Variants in ASB4 observed in about 807,000 individuals in gnomAD.
The protein encoded by ASB4 is ankyrin repeat and SOCS box containing 4.
In ASB4, 35 loss-of-function variants were observed where a neutral mutation model predicts 38.6. The observed-to-expected ratio is 0.91, with a 90% CI of 0.69 to 1.20. The LOEUF (loss-of-function observed/expected upper bound fraction) is 1.20. Among genes scored for constraint, ASB4 ranks in the 50% most tolerant of loss-of-function variants. ASB4 has a pLI of 0.00. For missense variants in ASB4, 557 were observed against 527.2 expected (o/e 1.06, Z -0.55); for synonymous variants, 195 against 201.3 (o/e 0.97, Z 0.26).
At chr7:95,543,885 A>T (rs924661706), downstream of ASB4, 1 of 152,196 alleles carries the variant, frequency 6.6e-6, no homozygotes, top group African/African-American at 2.4e-5. Context: ...TAATTTTTAT[A>T]GCAGTAACAA....
chr7:95,495,659 G>C, intron 1 of ASB4, 99 bp from the exon 2 acceptor site: 1 of 1,253,384 alleles, frequency 8.0e-7, no homozygotes, highest in South Asian at 1.5e-5. Flanking sequence ...TTTTATAAAT[G>C]TGGCCAAAAT....
the ASB4 span, among the ~76,000 whole-genome samples, chr7:95,547,099 A>G: frequency 1.3e-5 from 2 of 152,224 alleles, no homozygotes; most frequent in African/African-American, 4.8e-5. Flanking sequence ...TAACCTCCTT[A>G]AAAGAAGGAA....
chr7:95,535,319 T>A (rs902111075), intron 3 of ASB4, among the ~76,000 whole-genome samples: 1 of 152,210 alleles, frequency 6.6e-6, no homozygotes, highest in Admixed American at 6.5e-5. Flanking sequence ...GGAAGAAATG[T>A]CTTTGGAGAA....
In ASB4 at chr7:95,537,848, TG is replaced by T. The variant is rs1306245436; in HGVS notation, c.*90del. ...TGCCTAAATAAAATGGTACTTGGGT[TG>T]ATTATAACACTTCAGGGATTTCAAA... On this transcript the variant is annotated 3_prime_UTR_variant, in exon 5 of 5. Coordinates refer to ENST00000325885, the MANE Select transcript of ASB4 (RefSeq NM_016116.3). The T allele has an allele frequency of 7.4e-6, 8 of 1,076,936 alleles. No individual in the cohort carries two copies. In the Admixed American group the frequency reaches 8.9e-5, roughly 12 times the overall value. 66.7% of individuals were successfully genotyped at this position (1,076,936 alleles called of 1,614,324 possible). A position where few individuals can be genotyped will look rare whatever the true frequency, so the allele number is the denominator to read the frequency against.
At position 95,517,668 on chromosome 7, in the gene ASB4, C is replaced by G. The variant is rs938602264; in HGVS notation, c.488-10145C>G. On this transcript the variant is annotated intron_variant, in intron 2 of 4. Coordinates refer to ENST00000325885, the MANE Select transcript of ASB4 (RefSeq NM_016116.3). ...TAGATATAGTAGAGAGGTGTGGTAA[C>G]TGGAAGGTTGAAAAATGTAGATAAT... Among the ~76,000 whole-genome samples the G allele has an allele frequency of 2.0e-5, 3 of 151,402 alleles. No homozygotes were observed. In the East Asian group the frequency reaches 5.8e-4, roughly 29 times the overall value.
chr7:95,474,235 G>A (rs1371566697), upstream of ASB4, among the ~76,000 whole-genome samples: 2 of 152,102 alleles, frequency 1.3e-5, no homozygotes, highest in East Asian at 3.9e-4. Flanking sequence ...TTTAATAATT[G>A]TCTCTGCCAT....
In ASB4 at chr7:95,498,607, T is replaced by C. The variant is rs183752611; in HGVS notation, c.487+2550T>C. Reference sequence around the variant, plus strand: ...TTCCGAATACTAGTCATTTATCAGATACATAGTTTGCACGTATTTCTCTTC... The same window carrying C: ...TTCCGAATACTAGTCATTTATCAGACACATAGTTTGCACGTATTTCTCTTC... On this transcript the variant is annotated intron_variant, in intron 2 of 4. Coordinates refer to ENST00000325885, the MANE Select transcript of ASB4 (RefSeq NM_016116.3). Among the ~76,000 whole-genome samples the C allele has an allele frequency of 1.5e-3, 231 of 152,332 alleles. 2 individuals are homozygous for C. Among genetic ancestry groups the C allele is most frequent in the African/African-American group, 5.1e-3 (212 of 41,582 alleles).
At chr7:95,504,172 C>A (rs1236993857) in intron 2 of ASB4, among the ~76,000 whole-genome samples, 1 of 152,160 alleles carries the variant, frequency 6.6e-6, no homozygotes, top group East Asian at 1.9e-4. Flanking sequence ...AAAATGAAAG[C>A]TGCCCGCTTT....
downstream of ASB4, chr7:95,544,362 A>G (rs1021680861): frequency 6.6e-6 from 1 of 152,218 alleles, no homozygotes; most frequent in African/African-American, 2.4e-5. Context: ...ATACTGCTGA[A>G]GTCAGATGGA....
chr7:95,513,497 A>G (rs1010875415), intron 2 of ASB4, among the ~76,000 whole-genome samples: 2 of 152,006 alleles, frequency 1.3e-5, no homozygotes, highest in African/African-American at 2.4e-5. Context: ...TCTTCGTTCT[A>G]TGAAGACTTT....
chr7:95,513,436 G>A (rs547823385), intron 2 of ASB4, among the ~76,000 whole-genome samples: 2 of 151,636 alleles, frequency 1.3e-5, no homozygotes, highest in East Asian at 1.9e-4. Context: ...GGAGACCTAG[G>A]GAATAGATAC....
intron 2 of ASB4, among the ~76,000 whole-genome samples, chr7:95,496,585 G>T (rs867322124): frequency 9.9e-5 from 15 of 152,252 alleles, no homozygotes; most frequent in South Asian, 4.2e-4. Context: ...TGTGGCTCAT[G>T]CTTGTGGTAC....
At chr7:95,474,158 C>T (rs1276215044), upstream of ASB4, among the ~76,000 whole-genome samples, 1 of 152,210 alleles carries the variant, frequency 6.6e-6, no homozygotes, top group Non-Finnish European at 1.5e-5. Context: ...AAAGACTTTT[C>T]TGACTTCAAA....
At chr7:95,516,517 C>T (rs1790585435) in intron 2 of ASB4, among the ~76,000 whole-genome samples, 1 of 152,032 alleles carries the variant, frequency 6.6e-6, no homozygotes, top group African/African-American at 2.4e-5. Flanking sequence ...AAATGTGTCT[C>T]CCAAAGGATG....
At chr7:95,514,736 T>C (rs1790531168) in intron 2 of ASB4, among the ~76,000 whole-genome samples, 1 of 152,164 alleles carries the variant, frequency 6.6e-6, no homozygotes, top group Non-Finnish European at 1.5e-5. Context: ...TGGCCCAGCA[T>C]AGAGGGAGCC....
intron 2 of ASB4, 165 bp downstream of exon 2, chr7:95,496,222 A>G (rs1790246494): frequency 1.8e-6 from 1 of 569,534 alleles, no homozygotes; most frequent in African/African-American, 1.9e-5. Context: ...CAGGTAATTC[A>G]ATGATGATCA....
intron 2 of ASB4, among the ~76,000 whole-genome samples, chr7:95,526,217 T>A (rs1384624148): frequency 1.3e-5 from 2 of 151,936 alleles, no homozygotes; most frequent in African/African-American, 4.8e-5. Flanking sequence ...GAGGAAGGGG[T>A]CCCCAGTGGG....
At chr7:95,493,609 A>C (rs1790205288) in intron 1 of ASB4, among the ~76,000 whole-genome samples, 1 of 152,102 alleles carries the variant, frequency 6.6e-6, no homozygotes, top group Non-Finnish European at 1.5e-5. Flanking sequence ...ACAGGATACT[A>C]AATTTAGAAG....
At chr7:95,471,345 A>G in the ASB4 span, among the ~76,000 whole-genome samples, 1 of 152,154 alleles carries the variant, frequency 6.6e-6, no homozygotes, top group Non-Finnish European at 1.5e-5. Context: ...TTGCAAAACA[A>G]TGTGAATTCT....
Sources: allele counts gnomAD v4.1 joint callset (sites outside exome capture counted in the v4.1 genomes callset), GRCh38; gene constraint gnomAD v4.1.1; transcripts MANE v1.5; gene names NCBI Gene and HGNC (gene_info 2026-07-23, HGNC 2026-07-21).